The following PPM1A variants were observed in gnomAD, a reference collection of about 807,000 sequenced individuals.
PPM1A encodes the protein protein phosphatase, Mg2+/Mn2+ dependent 1A.
Under a neutral mutation model 35.0 loss-of-function variants are expected in PPM1A, and 7 were observed. The observed-to-expected ratio is 0.20, with a 90% CI of 0.11 to 0.38. PPM1A has a LOEUF of 0.38. Among genes scored for constraint, PPM1A ranks in the 10% least tolerant of loss-of-function variants. PPM1A has a pLI of 1.00. For missense variants in PPM1A, 239 were observed against 467.8 expected, an observed-to-expected ratio of 0.51 and a Z score of 4.51; for synonymous variants, 153 against 167.3, an observed-to-expected ratio of 0.91 and a Z score of 0.66.
chr14:60,267,736 A>G (rs1165085645), intron 1 of PPM1A, among the ~76,000 whole-genome samples: 1 of 152,102 alleles, frequency 6.6e-6, no homozygotes, highest in Non-Finnish European at 1.5e-5. Flanking sequence ...AAAATTTGCA[A>G]AAATAATACA....
In PPM1A at chr14:60,289,553, A is replaced by G. The variant is rs1056375818; in HGVS notation, c.953-253A>G. Among the ~76,000 whole-genome samples, 2 of 152,166 alleles carry G rather than the reference A, an allele frequency of 1.3e-5. No individual in the cohort carries two copies. Among genetic ancestry groups the G allele is most frequent in the African/African-American group, 4.8e-5 (2 of 41,448 alleles). On this transcript the variant is annotated intron_variant, in intron 3 of 5. Transcript: ENST00000395076. The surrounding 1 kb of genome is among the most constrained non-coding windows in gnomAD (Gnocchi z 4.1). ...GCACACATATCCTTGATTATATAATATGCTGATTTAACATGAAATATTTTT... is the reference window on the plus strand; with the variant it reads ...GCACACATATCCTTGATTATATAATGTGCTGATTTAACATGAAATATTTTT...
intron 1 of PPM1A, among the ~76,000 whole-genome samples, chr14:60,275,490 A>T (rs1196721751): frequency 1.3e-5 from 2 of 152,030 alleles, no homozygotes; most frequent in Non-Finnish European, 1.5e-5. Flanking sequence ...ATATTTTATT[A>T]TTTTTATTTT....
chr14:60,286,542 T>C, intron 3 of PPM1A: 1 of 985,266 alleles, frequency 1.0e-6, no homozygotes, highest in Non-Finnish European at 1.2e-6. Flanking sequence ...AAAAAAATTT[T>C]AAAAATAGCG....
Position 60,269,440 on chromosome 14 carries a change from C to T in PPM1A, c.-20-13244C>T, listed in dbSNP as rs548258140. On this transcript the variant is annotated intron_variant, in intron 1 of 5. Transcript: ENST00000395076. ...TGGTCGTAGTATTCTTGGAATAAAA[C>T]CTCTTTATCCTCAACGTTTATAGGC... Among the ~76,000 whole-genome samples, 24 of 152,308 alleles carry T rather than the reference C, an allele frequency of 1.6e-4. No homozygotes were observed. The East Asian group carries it at 3.7e-3, about 23-fold the overall frequency.
At chr14:60,287,497 T>G in intron 3 of PPM1A, 1 of 985,294 alleles carries the variant, frequency 1.0e-6, no homozygotes, top group Non-Finnish European at 1.2e-6. Context: ...AAAAGTTGTG[T>G]GTCCTCAGTG....
At position 60,289,762 on chromosome 14, in the gene PPM1A, T is replaced by C; in HGVS notation, c.953-44T>C. On this transcript the variant is annotated intron_variant, in intron 3 of 5. Coordinates refer to ENST00000395076, the MANE Select transcript of PPM1A (RefSeq NM_021003.5). The surrounding 1 kb of genome is among the most constrained non-coding windows in gnomAD (Gnocchi z 4.1). ...TCTTTGTTTCGGTTTTCTTTTCAAT[T>C]AAATTTGGATAACACTTACAAAAAA... 1.5e-6 allele frequency: 2 copies of C among 1,311,810 alleles called. No homozygotes were observed. 81.3% of individuals were successfully genotyped at this position (1,311,810 alleles called of 1,614,324 possible).
Position 60,289,952 on chromosome 14 carries a change from G to T in PPM1A, c.1061+38G>T. 1 of 1,342,680 alleles carries T rather than the reference G, an allele frequency of 7.4e-7. No homozygotes were observed. The highest frequency in any genetic ancestry group is 1.0e-6 in the Non-Finnish European group (1 of 981,170). The allele number at this position is 1,342,680 out of a possible 1,614,324, so 83.2% of individuals were successfully genotyped here. On this transcript the variant is annotated intron_variant, in intron 4 of 5. Transcript: ENST00000395076. This position sits in a 1 kb window ranked among gnomAD's most constrained non-coding sequence, Gnocchi z 4.1. ...CTGTACACTCTTATGCTTTATGTCA[G>T]TGTATGAAAATGTTAGGTATTCATT... is the stretch of plus-strand genomic sequence containing the variant.
rs150751677 is a variant in PPM1A at position 60,288,728 on chromosome 14, T to A, written c.953-1078T>A. ...TTGAGGCCTGATCAAAGGACGAATCTTTATACACATTGTTATTTTCAAAGG... is the reference window on the plus strand; with the variant it reads ...TTGAGGCCTGATCAAAGGACGAATCATTATACACATTGTTATTTTCAAAGG... On this transcript the variant is annotated intron_variant, in intron 3 of 5. Coordinates refer to ENST00000395076, the MANE Select transcript of PPM1A (RefSeq NM_021003.5). Among the ~76,000 whole-genome samples, 160 of 152,162 alleles carry A rather than the reference T, an allele frequency of 1.1e-3. 1 individual carries two copies. Among genetic ancestry groups the A allele is most frequent in the African/African-American group, 3.8e-3 (158 of 41,570 alleles).
chr14:60,254,448 A>AG (rs1358558851), intron 1 of PPM1A, among the ~76,000 whole-genome samples: 1 of 152,220 alleles, frequency 6.6e-6, no homozygotes, highest in Non-Finnish European at 1.5e-5. Context: ...TCAGTCAGTA[A>AG]GGAAGGACAA....
chr14:60,287,494 G>A, intron 3 of PPM1A: 1 of 985,248 alleles, frequency 1.0e-6, no homozygotes, highest in Admixed American at 6.1e-5. Flanking sequence ...TGTAAAAGTT[G>A]TGTGTCCTCA....
chr14:60,287,874 G>T, intron 3 of PPM1A: 1 of 985,102 alleles, frequency 1.0e-6, no homozygotes, highest in Non-Finnish European at 1.2e-6. Flanking sequence ...TGCTAATTTG[G>T]AGATGACTGA....
At chr14:60,252,833 C>T (rs1449119936) in intron 1 of PPM1A, among the ~76,000 whole-genome samples, 1 of 152,128 alleles carries the variant, frequency 6.6e-6, no homozygotes, top group African/African-American at 2.4e-5. Flanking sequence ...CATTCTGAGT[C>T]TCCAGAATAT....
At chr14:60,260,145 G>T (rs1275247364) in intron 1 of PPM1A, among the ~76,000 whole-genome samples, 3 of 152,064 alleles carry the variant, frequency 2.0e-5, no homozygotes, top group African/African-American at 7.2e-5. Flanking sequence ...CTTTAGCGTA[G>T]AAGAGCTTTA....
intron 1 of PPM1A, among the ~76,000 whole-genome samples, chr14:60,275,393 A>G (rs532016289): frequency 4.1e-4 from 62 of 152,172 alleles, no homozygotes; most frequent in Non-Finnish European, 8.1e-4. Flanking sequence ...CTCATTTGTA[A>G]AATAGGTTTA....
At position 60,291,655 on chromosome 14, in the gene PPM1A, C is replaced by A. The variant is rs536080603; in HGVS notation, c.1119+201C>A. Among the ~76,000 whole-genome samples the A allele has an allele frequency of 2.0e-5, 3 of 151,988 alleles. No homozygotes were observed. In the South Asian group the frequency reaches 6.2e-4, roughly 32 times the overall value. On this transcript the variant is annotated intron_variant, in intron 5 of 5. Transcript: ENST00000395076. ...AGGACATAATCATGGTGAGTGGCCA[C>A]CTCTCTCAAAAAAGAAGAAAGTCCT...
chr14:60,252,348 TTATC>T (rs1882529755), intron 1 of PPM1A, among the ~76,000 whole-genome samples: 1 of 152,246 alleles, frequency 6.6e-6, no homozygotes, highest in African/African-American at 2.4e-5. Flanking sequence ...TCTCAAATGA[TTATC>T]TAACTCTTGC....
intron 1 of PPM1A, among the ~76,000 whole-genome samples, chr14:60,254,178 A>G (rs1056747725): frequency 6.6e-6 from 1 of 152,192 alleles, no homozygotes; most frequent in South Asian, 2.1e-4. Flanking sequence ...TAGCTTTTGC[A>G]GTGTGCCTGG....
In PPM1A at chr14:60,296,303, T is replaced by C. The variant is rs1042500407; in HGVS notation, c.*3821T>C. On this transcript the variant is annotated 3_prime_UTR_variant, in exon 6 of 6. Coordinates refer to ENST00000395076, the MANE Select transcript of PPM1A (RefSeq NM_021003.5). The surrounding 1 kb of genome is among the most constrained non-coding windows in gnomAD (Gnocchi z 4.4). ...TGATTTCTGAAAGAACTGATGAAATTGGGTACTGCTTTTTTTCTCCATTTT... is the reference window on the plus strand; with the variant it reads ...TGATTTCTGAAAGAACTGATGAAATCGGGTACTGCTTTTTTTCTCCATTTT... 2 of 153,322 alleles carry C rather than the reference T, an allele frequency of 1.3e-5. No individual in the cohort carries two copies. The highest frequency in any genetic ancestry group is 4.8e-5 in the African/African-American group (2 of 41,468). The allele number at this position is 153,322 out of a possible 1,614,324, so 9.5% of individuals were successfully genotyped here.
At chr14:60,257,361 A>G (rs1883252740) in intron 1 of PPM1A, among the ~76,000 whole-genome samples, 1 of 152,196 alleles carries the variant, frequency 6.6e-6, no homozygotes, top group African/African-American at 2.4e-5. Flanking sequence ...TTATCAATAT[A>G]TGACTGTTAA....
Sources: gnomAD v4.1 joint callset for allele counts (sites outside exome capture counted in the v4.1 genomes callset) on GRCh38, gnomAD v4.1.1 for gene constraint, Gnocchi (gnomAD v3.1) non-coding constraint, MANE v1.5 for transcripts, NCBI Gene and HGNC (gene_info 2026-07-23, HGNC 2026-07-21) for gene names.